ZMAT4: variants seen among roughly 807,000 people sequenced by gnomAD.
ZMAT4 encodes zinc finger matrin-type protein 4.
Under a neutral mutation model 28.7 loss-of-function variants are expected in ZMAT4, and 17 were observed. That is an observed-to-expected ratio of 0.59 (90% confidence interval 0.41 to 0.89). The LOEUF is 0.89. Ranked by LOEUF, ZMAT4 falls within the 40% of genes least tolerant of loss-of-function variation. The probability of loss-of-function intolerance (pLI) is 0.00; values close to 1 mark genes in which losing one functional copy is unlikely to be tolerated. For missense variants in ZMAT4, 240 were observed against 283.8 expected, an observed-to-expected ratio of 0.85 and a Z score of 1.11; for synonymous variants, 117 against 109.2, an observed-to-expected ratio of 1.07 and a Z score of -0.44.
rs193050790 is a variant in ZMAT4 at position 40,717,607 on chromosome 8, G to A, written c.193-20206C>T. Among the ~76,000 whole-genome samples the A allele has an allele frequency of 5.1e-4, 77 of 152,232 alleles. No individual in the cohort carries two copies. The South Asian group carries it at 0.011, about 22-fold the overall frequency. On this transcript the variant is annotated intron_variant, in intron 3 of 6. Transcript: ENST00000297737. ...GCCCAGGAGTTCAAGGCTGCTGTGA[G>A]CTGTAATTATACCACTGCACTCCAG...
At chr8:40,635,180 G>A (rs2722417) in intron 5 of ZMAT4, among the ~76,000 whole-genome samples, 83,363 of 152,010 alleles carry the variant, frequency 0.55, 23,919 homozygotes, top group East Asian at 0.69. Context: ...AATTTCATTT[G>A]TGTGATTTCT....
intron 2 of ZMAT4, among the ~76,000 whole-genome samples, chr8:40,778,085 A>G (rs892168715): frequency 6.6e-6 from 1 of 152,210 alleles, no homozygotes; most frequent in African/African-American, 2.4e-5. Flanking sequence ...AACACAACTT[A>G]AACAAAACTC....
Position 40,881,437 on chromosome 8 carries a change from A to G in ZMAT4, c.-5+16246T>C, listed in dbSNP as rs77328897. The stretch of plus-strand genomic sequence containing the variant: ...AAGGAAGAAAAAGAAGAAAGAGAGA[A>G]AGAAAGAAAGAAAGAAAGAAAGAAA... On this transcript the variant is annotated intron_variant, in intron 1 of 6. Coordinates refer to ENST00000297737, the MANE Select transcript of ZMAT4 (RefSeq NM_024645.3). Among the ~76,000 whole-genome samples, 476 of 50,042 alleles carry G rather than the reference A, an allele frequency of 9.5e-3. 5 individuals carry two copies. The highest frequency in any genetic ancestry group is 0.034 in the African/African-American group (435 of 12,878). The allele number at this position is 50,042 out of a possible 152,430, so 32.8% of individuals were successfully genotyped here.
intron 5 of ZMAT4, among the ~76,000 whole-genome samples, chr8:40,626,741 C>T (rs1806396099): frequency 6.6e-6 from 1 of 152,102 alleles, no homozygotes; most frequent in African/African-American, 2.4e-5. Flanking sequence ...TTAGAGAAGG[C>T]AAAGCAACAC....
At chr8:40,730,917 T>A (rs1188033876) in intron 3 of ZMAT4, among the ~76,000 whole-genome samples, 1 of 152,146 alleles carries the variant, frequency 6.6e-6, no homozygotes, top group Non-Finnish European at 1.5e-5. Flanking sequence ...GCAGTGAATT[T>A]CAGTCAATTT....
intron 3 of ZMAT4, among the ~76,000 whole-genome samples, chr8:40,761,282 T>A (rs558107663): frequency 9.9e-4 from 150 of 152,152 alleles, no homozygotes; most frequent in African/African-American, 3.5e-3. Flanking sequence ...AAACAACATA[T>A]GTATTGCTAA....
intron 1 of ZMAT4, among the ~76,000 whole-genome samples, chr8:40,847,220 A>AAC (rs1388620709): frequency 9.0e-6 from 1 of 111,212 alleles, no homozygotes; most frequent in African/African-American, 3.7e-5. Flanking sequence ...CAAACAAACA[A>AAC]AAAAAAAAAA....
At chr8:40,791,682 G>T (rs62642756) in intron 2 of ZMAT4, among the ~76,000 whole-genome samples, 18,328 of 152,178 alleles carry the variant, frequency 0.12, 1,538 homozygotes, top group East Asian at 0.34. Flanking sequence ...TCAGAACATA[G>T]ATTTTTTTAA....
chr8:40,661,551 G>T (rs1228063869), intron 5 of ZMAT4, among the ~76,000 whole-genome samples: 1 of 152,194 alleles, frequency 6.6e-6, no homozygotes, highest in Non-Finnish European at 1.5e-5. Context: ...AAGTCCATCT[G>T]CAGCAGCTTT....
chr8:40,545,495 A>G (rs532499182), intron 6 of ZMAT4, among the ~76,000 whole-genome samples: 2 of 152,314 alleles, frequency 1.3e-5, no homozygotes, highest in South Asian at 2.1e-4. Flanking sequence ...GGAAATAATC[A>G]TTGTAGATAT....
chr8:40,664,858 G>A (rs1438364084), intron 5 of ZMAT4, among the ~76,000 whole-genome samples: 2 of 152,216 alleles, frequency 1.3e-5, no homozygotes, highest in Non-Finnish European at 2.9e-5. Context: ...TCTTGGAGCA[G>A]ACCCACAGCC....
chr8:40,594,815 T>C (rs1047070483), intron 5 of ZMAT4, among the ~76,000 whole-genome samples: 1 of 152,218 alleles, frequency 6.6e-6, no homozygotes, highest in Non-Finnish European at 1.5e-5. Context: ...TTTATACCCA[T>C]CTTTTTTGAC....
At chr8:40,667,447 C>T (rs1808466785) in intron 5 of ZMAT4, among the ~76,000 whole-genome samples, 2 of 152,178 alleles carry the variant, frequency 1.3e-5, no homozygotes, top group South Asian at 4.1e-4. Flanking sequence ...AGCCACCGTG[C>T]CCGGCCCTGT....
At chr8:40,676,763 A>T (rs914748822) in intron 4 of ZMAT4, among the ~76,000 whole-genome samples, 10 of 152,164 alleles carry the variant, frequency 6.6e-5, no homozygotes, top group Admixed American at 2.6e-4. Flanking sequence ...TTTTACAGGG[A>T]CTCACAAACA....
chr8:40,563,680 C>G (rs1168228369), intron 6 of ZMAT4, among the ~76,000 whole-genome samples: 1 of 152,068 alleles, frequency 6.6e-6, no homozygotes, highest in Non-Finnish European at 1.5e-5. Context: ...TGAAATTATT[C>G]CACATGCATG....
chr8:40,785,183 T>C (rs917331979), intron 2 of ZMAT4, among the ~76,000 whole-genome samples: 3 of 152,242 alleles, frequency 2.0e-5, no homozygotes, highest in Non-Finnish European at 4.4e-5. Context: ...CTTCAATGTC[T>C]ATTGCAAGAC....
chr8:40,701,753 A>G (rs1810159260), intron 3 of ZMAT4, among the ~76,000 whole-genome samples: 1 of 151,802 alleles, frequency 6.6e-6, no homozygotes, highest in Non-Finnish European at 1.5e-5. Context: ...CCTGACCTGA[A>G]GTGATCTGTC....
At chr8:40,666,794 C>A (rs557405681) in intron 5 of ZMAT4, among the ~76,000 whole-genome samples, 115 of 152,204 alleles carry the variant, frequency 7.6e-4, no homozygotes, top group Non-Finnish European at 1.1e-3. Flanking sequence ...TATTTATACA[C>A]ACATTTTTTT....
At chr8:40,629,256 A>G (rs1380499176) in intron 5 of ZMAT4, among the ~76,000 whole-genome samples, 2 of 151,866 alleles carry the variant, frequency 1.3e-5, no homozygotes, top group East Asian at 3.9e-4. Context: ...CATAAAAGAT[A>G]TTGTTTTATT....
Sources: allele counts gnomAD v4.1 joint callset (sites outside exome capture counted in the v4.1 genomes callset), GRCh38; gene constraint gnomAD v4.1.1; transcripts MANE v1.5; gene names NCBI Gene and HGNC (gene_info 2026-07-23, HGNC 2026-07-21).